Variants in TMEM114 observed in about 807,000 individuals in gnomAD.
TMEM114 encodes transmembrane protein 114.
TMEM114 carries 6 observed loss-of-function variants against 6.2 expected under a neutral mutation model. The ratio of observed to expected loss-of-function variants is 0.97; its 90% CI spans 0.53 to 1.91. The LOEUF (loss-of-function observed/expected upper bound fraction) is 1.91, where lower values mean the gene tolerates loss of function less well. Ranked by LOEUF, TMEM114 falls within the 40% of genes most tolerant of loss-of-function variation. TMEM114 has a pLI of 0.01. For missense variants in TMEM114, 218 were observed against 158.3 expected, an observed-to-expected ratio of 1.38 and a Z score of -2.02; for synonymous variants, 104 against 73.0, an observed-to-expected ratio of 1.42 and a Z score of -2.16.
chr16:8,526,953 A>T, the TMEM114 span, among the ~76,000 whole-genome samples: 35 of 152,330 alleles, frequency 2.3e-4, no homozygotes, highest in Admixed American at 2.2e-3. Flanking sequence ...CGTGCCTGTA[A>T]TCCCAGCACT....
downstream of TMEM114, among the ~76,000 whole-genome samples, chr16:8,532,886 T>C (rs1435379945): frequency 1.1e-4 from 16 of 152,040 alleles, no homozygotes; most frequent in Admixed American, 1.0e-3. Flanking sequence ...ATCACGCCAC[T>C]GCACTCCAGC....
intron 2 of TMEM114, among the ~76,000 whole-genome samples, chr16:8,560,068 C>A (rs1901149235): frequency 6.6e-6 from 1 of 152,294 alleles, no homozygotes; most frequent in South Asian, 2.1e-4. Flanking sequence ...GCCATCACAG[C>A]TCACTGCAGC....
At chr16:8,528,128 TG>T in the TMEM114 span, among the ~76,000 whole-genome samples, 6 of 152,264 alleles carry the variant, frequency 3.9e-5, no homozygotes, top group African/African-American at 1.4e-4. Flanking sequence ...CTTGAACTCC[TG>T]GGCTCAAGTG....
At position 8,551,627 on chromosome 16, in the gene TMEM114, A is replaced by G. The variant is rs565108831; in HGVS notation, n.213-13801T>C. 4.5e-4 allele frequency among the ~76,000 whole-genome samples: 69 copies of G among 152,356 alleles called. No individual in the cohort carries two copies. In the South Asian group the frequency reaches 6.8e-3, roughly 15 times the overall value. On this transcript the variant is annotated intron_variant and non_coding_transcript_variant, in intron 2 of 2. Coordinates refer to the TMEM114 transcript ENST00000623677. ...ACCATACTAAAGTTTGACAAGAAAC[A>G]TTGACTTTCTGTCTGTGAGGCAGGA...
At chr16:8,529,536 T>A in the TMEM114 span, among the ~76,000 whole-genome samples, 4 of 152,302 alleles carry the variant, frequency 2.6e-5, no homozygotes, top group Admixed American at 2.6e-4. Context: ...TCATCTGGGT[T>A]GTTTGTTTAA....
chr16:8,542,629 G>T (rs1359700061), intron 2 of TMEM114, among the ~76,000 whole-genome samples: 1 of 152,162 alleles, frequency 6.6e-6, no homozygotes, highest in Non-Finnish European at 1.5e-5. Context: ...TTGGGGTGGG[G>T]GAGGCCAGCA....
At chr16:8,554,514 C>T (rs1481192094) in intron 2 of TMEM114, among the ~76,000 whole-genome samples, 1 of 152,190 alleles carries the variant, frequency 6.6e-6, no homozygotes, top group Non-Finnish European at 1.5e-5. Context: ...TGGAATCATA[C>T]GTGTGACACT....
chr16:8,534,538 C>T (rs1028959040), downstream of TMEM114, among the ~76,000 whole-genome samples: 3 of 152,064 alleles, frequency 2.0e-5, no homozygotes, highest in Non-Finnish European at 4.4e-5. Flanking sequence ...CTCCTGTTCC[C>T]ATCACTACTT....
chr16:8,547,771 G>A (rs891616849), intron 2 of TMEM114, among the ~76,000 whole-genome samples: 4 of 152,276 alleles, frequency 2.6e-5, no homozygotes, highest in African/African-American at 9.6e-5. Flanking sequence ...GCCTCTGAGT[G>A]AAGTCTCGGG....
At chr16:8,560,292 C>G (rs960706942) in intron 2 of TMEM114, among the ~76,000 whole-genome samples, 2 of 151,960 alleles carry the variant, frequency 1.3e-5, no homozygotes, top group African/African-American at 2.4e-5. Flanking sequence ...GGCACTGTGC[C>G]CAGCATGCCC....
the TMEM114 span, among the ~76,000 whole-genome samples, chr16:8,526,972 C>T: frequency 6.6e-6 from 1 of 152,202 alleles, no homozygotes; most frequent in African/African-American, 2.4e-5. Flanking sequence ...CTTTTGGAGG[C>T]CAAGACAGGT....
chr16:8,550,868 A>G (rs1900821533), intron 2 of TMEM114, among the ~76,000 whole-genome samples: 1 of 152,190 alleles, frequency 6.6e-6, no homozygotes, highest in Non-Finnish European at 1.5e-5. Context: ...CCCACAGGAT[A>G]GAACATCCAC....
At chr16:8,548,511 A>T (rs1198899989) in intron 2 of TMEM114, among the ~76,000 whole-genome samples, 1 of 152,100 alleles carries the variant, frequency 6.6e-6, no homozygotes, top group Non-Finnish European at 1.5e-5. Flanking sequence ...ACACCCTTGA[A>T]ATAATAGAAC....
At chr16:8,545,772 T>C (rs1900647438) in intron 2 of TMEM114, among the ~76,000 whole-genome samples, 1 of 152,188 alleles carries the variant, frequency 6.6e-6, no homozygotes, top group East Asian at 1.9e-4. Context: ...GTTTCATTGG[T>C]TTCTTACATA....
In TMEM114 at chr16:8,542,677, G is replaced by C. The variant is rs547248442; in HGVS notation, n.213-4851C>G. 6.7e-4 allele frequency among the ~76,000 whole-genome samples: 102 copies of C among 152,188 alleles called. 1 individual carries two copies. The highest frequency in any genetic ancestry group is 1.3e-3 in the Non-Finnish European group (91 of 68,010). ...GTGTGCTTTGTAAATAAGCAACCTA[G>C]GTGCACTATTCAGAAGCACTACACT... is the stretch of plus-strand genomic sequence containing the variant. On this transcript the variant is annotated intron_variant and non_coding_transcript_variant, in intron 2 of 2. Transcript: ENST00000623677.
the TMEM114 span, among the ~76,000 whole-genome samples, chr16:8,531,604 C>T: frequency 2.0e-5 from 3 of 152,318 alleles, no homozygotes; most frequent in South Asian, 2.1e-4. Flanking sequence ...TCAGGAACCC[C>T]GTCTGAGACC....
chr16:8,573,344 G>C (rs539938289), intron 2 of TMEM114, among the ~76,000 whole-genome samples: 7 of 152,164 alleles, frequency 4.6e-5, no homozygotes, highest in South Asian at 2.1e-4. Context: ...CTCCTCTCTA[G>C]TAGGATCTGG....
intron 2 of TMEM114, among the ~76,000 whole-genome samples, chr16:8,572,524 C>T (rs1259011533): frequency 6.6e-6 from 1 of 152,196 alleles, no homozygotes; most frequent in Non-Finnish European, 1.5e-5. Flanking sequence ...CAGCCTCAAC[C>T]TCCTGGGCTT....
At chr16:8,577,314 G>T (rs1901974305) in intron 2 of TMEM114, among the ~76,000 whole-genome samples, 1 of 152,190 alleles carries the variant, frequency 6.6e-6, no homozygotes, top group Non-Finnish European at 1.5e-5. Flanking sequence ...TGTGGGGACA[G>T]CTACTGCGCT....
Sources: allele counts gnomAD v4.1 joint callset (sites outside exome capture counted in the v4.1 genomes callset), GRCh38; gene constraint gnomAD v4.1.1; transcripts MANE v1.5; gene names NCBI Gene and HGNC (gene_info 2026-07-23, HGNC 2026-07-21).